The following CHRM5 variants were observed in gnomAD, a reference collection of about 807,000 sequenced individuals.
CHRM5 encodes muscarinic acetylcholine receptor M5.
In CHRM5, 18 loss-of-function variants were observed where a neutral mutation model predicts 39.0. The ratio of observed to expected loss-of-function variants is 0.46; its 90% CI spans 0.32 to 0.68. The LOEUF (loss-of-function observed/expected upper bound fraction) is 0.68. CHRM5 is among the 30% of genes least tolerant of loss of function. The pLI, the probability that CHRM5 is intolerant of heterozygous loss-of-function variation, is 0.04. For missense variants in CHRM5, 515 were observed against 651.1 expected (o/e 0.79, Z 2.28); for synonymous variants, 241 against 246.3 (o/e 0.98, Z 0.20).
At chr15:34,001,638 T>C (rs1170665465) in intron 1 of CHRM5, among the ~76,000 whole-genome samples, 2 of 152,216 alleles carry the variant, frequency 1.3e-5, no homozygotes, top group Admixed American at 6.5e-5. Flanking sequence ...GTGTTACCAG[T>C]TCTTGAACAG....
intron 1 of CHRM5, among the ~76,000 whole-genome samples, chr15:34,028,355 A>G (rs1321478628): frequency 2.0e-5 from 3 of 152,194 alleles, no homozygotes; most frequent in Non-Finnish European, 4.4e-5. Context: ...ACTTGAGCCC[A>G]GGAGTTCGAG....
At chr15:34,025,392 C>T (rs1327596744) in intron 1 of CHRM5, among the ~76,000 whole-genome samples, 1 of 152,128 alleles carries the variant, frequency 6.6e-6, no homozygotes, top group East Asian at 1.9e-4. Context: ...GAGCAGGAAG[C>T]AGGCAGCTGA....
At chr15:34,052,185 G>T (rs1224086242) in intron 2 of CHRM5, among the ~76,000 whole-genome samples, 4 of 152,086 alleles carry the variant, frequency 2.6e-5, no homozygotes, top group Non-Finnish European at 5.9e-5. Context: ...ATGCAAGGTT[G>T]GTTCAACATA....
intron 1 of CHRM5, among the ~76,000 whole-genome samples, chr15:33,978,683 T>A (rs181705362): frequency 6.6e-6 from 1 of 151,532 alleles, no homozygotes; most frequent in Non-Finnish European, 1.5e-5. Flanking sequence ...AATAAATAAA[T>A]AAAAATAAAA....
At chr15:34,025,625 TA>T in intron 1 of CHRM5, among the ~76,000 whole-genome samples, 1 of 152,318 alleles carries the variant, frequency 6.6e-6, no homozygotes, top group East Asian at 1.9e-4. Flanking sequence ...GTGCAATGGT[TA>T]TAAAAGATTT....
Position 34,064,542 on chromosome 15 carries a change from A to G in CHRM5, c.*226A>G. On this transcript the variant is annotated 3_prime_UTR_variant, in exon 3 of 3. Coordinates refer to ENST00000383263, the MANE Select transcript of CHRM5 (RefSeq NM_012125.4). ...CCTATGACCAAGGCCATTTGATGCC[A>G]GGGGAGTTTGCCAATGAAGTAAAGG... is the stretch of plus-strand genomic sequence containing the variant. 1 of 584,786 alleles carries G rather than the reference A, an allele frequency of 1.7e-6. No individual in the cohort carries two copies. The highest frequency in any genetic ancestry group is 3.1e-6 in the Non-Finnish European group (1 of 327,572). 36.2% of individuals were successfully genotyped at this position (584,786 alleles called of 1,614,324 possible). A position where few individuals can be genotyped will look rare whatever the true frequency, so the allele number is the denominator to read the frequency against.
In CHRM5 at chr15:34,063,482, C is replaced by G. The variant is rs144711555; in HGVS notation, c.765C>G (p.Arg255=). Reference sequence around the variant, plus strand: ...GGGCTCTGTTCAGATCCTGCTTGCGCTGTCCTCGACCCACCCTGGCCCAGC... The same window carrying G: ...GGGCTCTGTTCAGATCCTGCTTGCGGTGTCCTCGACCCACCCTGGCCCAGC... ...AHRALFRSCL[R]CPRPTLAQRE... The change falls in exon 3 of 3, where the codon CGC becomes CGG. Residue 255 remains arginine (R), a synonymous_variant. Transcript: ENST00000383263. The surrounding 1 kb of genome is among the most constrained non-coding windows in gnomAD (Gnocchi z 4.1). The G allele has an allele frequency of 1.1e-4, 174 of 1,613,868 alleles. No homozygotes were observed. The African/African-American group carries it at 2.2e-3, about 20-fold the overall frequency.
intron 1 of CHRM5, among the ~76,000 whole-genome samples, chr15:34,032,819 A>G (rs1365323585): frequency 6.6e-6 from 1 of 152,204 alleles, no homozygotes; most frequent in Non-Finnish European, 1.5e-5. Context: ...AATTTTAAAT[A>G]TAGATGTTGA....
chr15:34,012,032 T>C (rs759373776), intron 1 of CHRM5, among the ~76,000 whole-genome samples: 1 of 152,156 alleles, frequency 6.6e-6, no homozygotes, highest in Non-Finnish European at 1.5e-5. Context: ...TTTATCTGCT[T>C]TAAAAAATGA....
chr15:33,974,302 T>A (rs58922383), intron 1 of CHRM5, among the ~76,000 whole-genome samples: 2 of 152,172 alleles, frequency 1.3e-5, no homozygotes. Flanking sequence ...ACACTTAAAA[T>A]CTTACATTTA....
chr15:33,979,595 C>A (rs1000515199), intron 1 of CHRM5, among the ~76,000 whole-genome samples: 5 of 152,312 alleles, frequency 3.3e-5, no homozygotes, highest in South Asian at 2.1e-4. Flanking sequence ...TAAACCTCAA[C>A]CTTTATGAGC....
At chr15:33,986,679 C>T (rs1054012732) in intron 1 of CHRM5, among the ~76,000 whole-genome samples, 7 of 151,806 alleles carry the variant, frequency 4.6e-5, no homozygotes, top group Admixed American at 2.6e-4. Context: ...TTTTTTGAGA[C>T]AGAGTCTCAC....
At chr15:34,032,685 C>A (rs1484592177) in intron 1 of CHRM5, among the ~76,000 whole-genome samples, 6 of 152,154 alleles carry the variant, frequency 3.9e-5, no homozygotes, top group Non-Finnish European at 8.8e-5. Context: ...GAATCAACTT[C>A]CAGATATTCA....
At chr15:34,051,093 A>C (rs1213472688) in intron 2 of CHRM5, among the ~76,000 whole-genome samples, 1 of 152,202 alleles carries the variant, frequency 6.6e-6, no homozygotes, top group Non-Finnish European at 1.5e-5. Flanking sequence ...TGATTACATA[A>C]TCAGAAGTAA....
chr15:33,983,641 C>T (rs1426017087), intron 1 of CHRM5, among the ~76,000 whole-genome samples: 1 of 152,052 alleles, frequency 6.6e-6, no homozygotes, highest in Admixed American at 6.6e-5. Flanking sequence ...AACACATGCC[C>T]AGAAATTCCT....
intron 1 of CHRM5, among the ~76,000 whole-genome samples, chr15:34,034,313 C>G (rs932045392): frequency 6.6e-6 from 1 of 151,938 alleles, no homozygotes; most frequent in African/African-American, 2.4e-5. Flanking sequence ...TGGTGGTTCA[C>G]GCCTGTACTC....
intron 2 of CHRM5, among the ~76,000 whole-genome samples, 155 bp downstream of exon 2, chr15:34,047,026 CACAA>C (rs1400620583): frequency 2.0e-5 from 3 of 151,952 alleles, no homozygotes; most frequent in Non-Finnish European, 4.4e-5. Context: ...GCCGCTCAGG[CACAA>C]ACAGAGACCT....
chr15:33,983,997 T>C (rs988413543), intron 1 of CHRM5, among the ~76,000 whole-genome samples: 1 of 150,508 alleles, frequency 6.6e-6, no homozygotes, highest in African/African-American at 2.4e-5. Flanking sequence ...TCTTCAAAAG[T>C]GTCAATTTCA....
Position 34,066,242 on chromosome 15 carries a change from G to A in CHRM5, c.*1926G>A, listed in dbSNP as rs536144943. The A allele has an allele frequency of 2.0e-5, 3 of 152,388 alleles. No individual in the cohort carries two copies. Among genetic ancestry groups the A allele is most frequent in the South Asian group, 2.1e-4 (1 of 4,834 alleles). The allele number at this position is 152,388 out of a possible 1,614,324, so 9.4% of individuals were successfully genotyped here. On this transcript the variant is annotated 3_prime_UTR_variant, in exon 3 of 3. Transcript: ENST00000383263. ...CGGGCCTCCGTGATGCCAACTGGGTGTGACTTCATGAGCAAACCTGCTCTA... is the reference window on the plus strand; with the variant it reads ...CGGGCCTCCGTGATGCCAACTGGGTATGACTTCATGAGCAAACCTGCTCTA...
Sources: allele counts gnomAD v4.1 joint callset (sites outside exome capture counted in the v4.1 genomes callset), GRCh38; gene constraint gnomAD v4.1.1; non-coding constraint Gnocchi (gnomAD v3.1); transcripts MANE v1.5; gene names NCBI Gene and HGNC (gene_info 2026-07-23, HGNC 2026-07-21).